The following CSMD1 variants were observed in gnomAD, a reference collection of about 807,000 sequenced individuals.
CSMD1 encodes CUB and Sushi multiple domains 1.
CSMD1 carries 213 observed loss-of-function variants against 417.5 expected under a neutral mutation model. That is an observed-to-expected ratio of 0.51 (90% CI 0.46 to 0.57). The LOEUF is 0.57. CSMD1 is among the 20% of genes least tolerant of loss of function. The pLI is 0.00. For synonymous variants in CSMD1, 2,862 were observed against 1,736.8 expected, an observed-to-expected ratio of 1.65 and a Z score of -16.11; for missense variants, 6,923 against 4,529.7, an observed-to-expected ratio of 1.53 and a Z score of -15.17.
At chr8:4,650,314 C>T (rs912300449) in intron 1 of CSMD1, among the ~76,000 whole-genome samples, 2 of 138,876 alleles carry the variant, frequency 1.4e-5, no homozygotes, top group Non-Finnish European at 3.0e-5. Flanking sequence ...CACTGCACTC[C>T]AGCCTGGGCA....
intron 12 of CSMD1, among the ~76,000 whole-genome samples, chr8:3,416,900 C>T (rs917274828): frequency 6.6e-5 from 10 of 152,114 alleles, no homozygotes; most frequent in Admixed American, 3.3e-4. Flanking sequence ...TGTATAAAAC[C>T]GCTCAATGAA....
chr8:4,921,487 C>T (rs905427145), intron 1 of CSMD1, among the ~76,000 whole-genome samples: 1 of 152,122 alleles, frequency 6.6e-6, no homozygotes, highest in African/African-American at 2.4e-5. Context: ...ACACAGTATT[C>T]TCTGTATGTA....
At chr8:3,207,345 A>G (rs1797358945) in intron 30 of CSMD1, among the ~76,000 whole-genome samples, 1 of 149,874 alleles carries the variant, frequency 6.7e-6, no homozygotes, top group Admixed American at 6.7e-5. Context: ...AATAGATATG[A>G]TGTTGGTCAG....
chr8:3,211,702 G>A (rs183414612), intron 30 of CSMD1, among the ~76,000 whole-genome samples: 2 of 152,314 alleles, frequency 1.3e-5, no homozygotes, highest in East Asian at 3.9e-4. Flanking sequence ...TCACTCTGCA[G>A]GGCGCACCTT....
intron 1 of CSMD1, among the ~76,000 whole-genome samples, chr8:4,823,760 G>C (rs1260595186): frequency 6.6e-6 from 1 of 151,750 alleles, no homozygotes; most frequent in East Asian, 1.9e-4. Flanking sequence ...AGCCAGTGTG[G>C]TGGTGGTGGC....
chr8:3,853,353 C>G (rs1463105966), intron 5 of CSMD1, among the ~76,000 whole-genome samples: 1 of 152,162 alleles, frequency 6.6e-6, no homozygotes, highest in Non-Finnish European at 1.5e-5. Context: ...CCACAATTTA[C>G]TTTAAAAAGG....
chr8:3,029,156 A>G (rs1810157890), intron 51 of CSMD1, among the ~76,000 whole-genome samples, 163 bp downstream of exon 51: 2 of 151,922 alleles, frequency 1.3e-5, no homozygotes, highest in Admixed American at 6.6e-5. Context: ...ATGTCACATG[A>G]CAATACATAT....
At chr8:3,123,923 A>G (rs1226255537) in intron 41 of CSMD1, among the ~76,000 whole-genome samples, 1 of 152,208 alleles carries the variant, frequency 6.6e-6, no homozygotes, top group African/African-American at 2.4e-5. Context: ...AAGAAGTACA[A>G]TTAAGTTCTT....
At chr8:4,372,252 A>G (rs1802440818) in intron 3 of CSMD1, among the ~76,000 whole-genome samples, 1 of 152,218 alleles carries the variant, frequency 6.6e-6, no homozygotes, top group Non-Finnish European at 1.5e-5. Context: ...AAGTAAAGAT[A>G]CATAACGTCG....
intron 1 of CSMD1, among the ~76,000 whole-genome samples, chr8:4,965,858 G>A (rs917483005): frequency 6.6e-6 from 1 of 152,072 alleles, no homozygotes; most frequent in African/African-American, 2.4e-5. Context: ...GGATAAACAT[G>A]TTAAAATAAA....
intron 1 of CSMD1, among the ~76,000 whole-genome samples, chr8:4,660,934 A>G (rs12541342): frequency 0.26 from 40,303 of 152,106 alleles, 5,835 homozygotes; most frequent in East Asian, 0.41. Flanking sequence ...CACACTTACA[A>G]TAATGGCTAA....
chr8:4,331,035 T>C lies in CSMD1; in HGVS notation c.415+88918A>G, dbSNP rs570133027. Among the ~76,000 whole-genome samples the C allele has an allele frequency of 2.6e-5, 4 of 152,328 alleles. No individual in the cohort carries two copies. The East Asian group carries it at 7.7e-4, about 29-fold the overall frequency. On this transcript the variant is annotated intron_variant, in intron 3 of 69. Coordinates refer to ENST00000635120, the MANE Select transcript of CSMD1 (RefSeq NM_033225.6). ...TCTTAGTGCATTATCTTACACATAC[T>C]GCAGATTCAATAACTATTTCTTCAT...
intron 2 of CSMD1, among the ~76,000 whole-genome samples, chr8:4,454,331 A>G (rs1287810441): frequency 2.0e-5 from 3 of 152,166 alleles, no homozygotes; most frequent in Non-Finnish European, 4.4e-5. Flanking sequence ...TTGTCAGTAG[A>G]CATGCAGCTT....
intron 26 of CSMD1, among the ~76,000 whole-genome samples, chr8:3,251,471 G>C (rs1291690700): frequency 6.6e-6 from 1 of 152,156 alleles, no homozygotes; most frequent in East Asian, 1.9e-4. Context: ...CTGTAGCCTT[G>C]TAGTATAGTT....
At chr8:3,287,000 A>G (rs932890613) in intron 25 of CSMD1, among the ~76,000 whole-genome samples, 10 of 152,012 alleles carry the variant, frequency 6.6e-5, no homozygotes, top group African/African-American at 1.2e-4. Flanking sequence ...TAATTTTTGT[A>G]TAAGGTGTAA....
At chr8:3,195,338 C>G (rs1442366803) in intron 33 of CSMD1, among the ~76,000 whole-genome samples, 1 of 152,074 alleles carries the variant, frequency 6.6e-6, no homozygotes, top group African/African-American at 2.4e-5. Flanking sequence ...AGGATGTGGG[C>G]TCTGCCTCTC....
At chr8:3,382,207 C>G (rs1160372733) in intron 18 of CSMD1, among the ~76,000 whole-genome samples, 1 of 151,518 alleles carries the variant, frequency 6.6e-6, no homozygotes, top group East Asian at 1.9e-4. Context: ...TTTAGTGAGC[C>G]GAGATCCTGT....
rs544754983 is a variant in CSMD1 at position 4,465,606 on chromosome 8, A to G, written c.303-45541T>C. The stretch of plus-strand genomic sequence containing the variant: ...CAGGCCACTTAGAAGTCAGACGTTG[A>G]GGATTATTAAGTTAAGGCCTCAGTA... On this transcript the variant is annotated intron_variant, in intron 2 of 69. Coordinates refer to ENST00000635120, the MANE Select transcript of CSMD1 (RefSeq NM_033225.6). 3.3e-5 allele frequency among the ~76,000 whole-genome samples: 5 copies of G among 152,290 alleles called. No individual in the cohort carries two copies. The East Asian group carries it at 9.7e-4, about 29-fold the overall frequency.
At chr8:4,841,833 C>T (rs927586651) in intron 1 of CSMD1, among the ~76,000 whole-genome samples, 1 of 146,096 alleles carries the variant, frequency 6.8e-6, no homozygotes, top group African/African-American at 2.5e-5. Context: ...ATCGCTTGAA[C>T]CTGGGAGGTG....
Sources: gnomAD v4.1 joint callset for allele counts (sites outside exome capture counted in the v4.1 genomes callset) on GRCh38, gnomAD v4.1.1 for gene constraint, MANE v1.5 for transcripts, NCBI Gene and HGNC (gene_info 2026-07-23, HGNC 2026-07-21) for gene names.